The following FAM120C variants were observed in gnomAD, a reference collection of about 807,000 sequenced individuals.
FAM120C encodes constitutive coactivator of PPAR-gamma-like protein 2.
Under a neutral mutation model 71.2 loss-of-function variants are expected in FAM120C, and 14 were observed. The ratio of observed to expected loss-of-function variants is 0.20; its 90% CI spans 0.13 to 0.31. The LOEUF (loss-of-function observed/expected upper bound fraction) is 0.31, where lower values mean the gene tolerates loss of function less well. Among genes scored for constraint, FAM120C ranks in the 10% least tolerant of loss-of-function variants. FAM120C has a pLI of 1.00. For missense variants in FAM120C, 500 were observed against 879.0 expected (o/e 0.57, Z 5.45); for synonymous variants, 354 against 353.2 (o/e 1.00, Z -0.03).
At chrX:54,129,581 G>A (rs1191411497) in intron 9 of FAM120C, among the ~76,000 whole-genome samples, 4 of 110,192 alleles carry the variant, frequency 3.6e-5, no homozygotes, top group Admixed American at 9.6e-5. Flanking sequence ...GACGATGGGC[G>A]GCCAGGCAGA....
intron 15 of FAM120C, among the ~76,000 whole-genome samples, chrX:54,076,291 A>G (rs1367155950): frequency 2.8e-5 from 3 of 108,938 alleles, no homozygotes. Flanking sequence ...GTGAGCTGAC[A>G]TCGCGCCAGC....
At chrX:54,159,276 C>G in intron 2 of FAM120C, 94 bp downstream of exon 2, 2 of 1,075,512 alleles carry the variant, frequency 1.9e-6, no homozygotes, top group Non-Finnish European at 2.5e-6. Flanking sequence ...GAAGACAAAT[C>G]TAATGATGAC....
chrX:54,179,852 A>G (rs1315816544), intron 1 of FAM120C, among the ~76,000 whole-genome samples: 1 of 112,109 alleles, frequency 8.9e-6, no homozygotes, highest in East Asian at 2.8e-4. Context: ...TAAGATTTAT[A>G]CATTCCCCAA....
intron 4 of FAM120C, among the ~76,000 whole-genome samples, chrX:54,143,814 A>T (rs2067139923): frequency 8.9e-6 from 1 of 111,991 alleles, no homozygotes; most frequent in Non-Finnish European, 1.9e-5. Context: ...AACTCATTTT[A>T]TGAGGCCAGC....
intron 9 of FAM120C, among the ~76,000 whole-genome samples, chrX:54,129,977 C>CCAGCTTCGG (rs2067055933): frequency 9.4e-6 from 1 of 106,938 alleles, no homozygotes; most frequent in African/African-American, 3.4e-5. Context: ...ACAGTACAGT[C>CCAGCTTCGG]CAGCTTCGGC....
intron 8 of FAM120C, among the ~76,000 whole-genome samples, chrX:54,133,406 C>T (rs1303740467): frequency 2.7e-5 from 3 of 112,292 alleles, no homozygotes; most frequent in East Asian, 2.8e-4. Flanking sequence ...GCATTTTGCT[C>T]GAGGATGGAC....
intron 4 of FAM120C, among the ~76,000 whole-genome samples, chrX:54,146,963 A>G (rs1557132445): frequency 8.9e-6 from 1 of 112,252 alleles, no homozygotes; most frequent in African/African-American, 3.2e-5. Flanking sequence ...CTTTATACAG[A>G]AATGAACTAA....
At chrX:54,109,494 A>G (rs1230619209) in intron 10 of FAM120C, among the ~76,000 whole-genome samples, 2 of 108,789 alleles carry the variant, frequency 1.8e-5, no homozygotes, top group Non-Finnish European at 3.8e-5. Flanking sequence ...ATGCCCCTGT[A>G]GTCTCAGCTA....
intron 3 of FAM120C, among the ~76,000 whole-genome samples, chrX:54,157,130 C>A (rs145721218): frequency 0.027 from 3,051 of 111,347 alleles, 119 homozygotes; most frequent in African/African-American, 0.095. Context: ...ATTGTATTTT[C>A]TCTCTTGTGA....
intron 12 of FAM120C, 61 bp from the exon 13 acceptor site, chrX:54,085,977 G>T: frequency 9.9e-7 from 1 of 1,007,611 alleles, no homozygotes; most frequent in Non-Finnish European, 1.4e-6. Context: ...CCATGTTTTA[G>T]GCCCAGGATG....
intron 1 of FAM120C, among the ~76,000 whole-genome samples, chrX:54,164,145 TG>T (rs1200511003): frequency 5.4e-5 from 6 of 111,175 alleles, no homozygotes; most frequent in Non-Finnish European, 1.1e-4. Context: ...TTGGTCAGGC[TG>T]GTCTCGAACT....
chrX:54,140,855 C>T (rs1603360504), intron 4 of FAM120C, among the ~76,000 whole-genome samples: 2 of 105,828 alleles, frequency 1.9e-5, no homozygotes, highest in Non-Finnish European at 1.9e-5. Flanking sequence ...CAGGAGAATC[C>T]CTTGAACCCG....
At chrX:54,154,850 G>A (rs1156392973) in intron 3 of FAM120C, among the ~76,000 whole-genome samples, 5 of 110,831 alleles carry the variant, frequency 4.5e-5, no homozygotes, top group South Asian at 3.8e-4. Context: ...AGTCATCAAC[G>A]GACAGATGGT....
At chrX:54,117,962 G>A (rs947301990) in intron 9 of FAM120C, among the ~76,000 whole-genome samples, 1 of 111,413 alleles carries the variant, frequency 9.0e-6, no homozygotes, top group Non-Finnish European at 1.9e-5. Context: ...GGTGGTTCAC[G>A]CCTGTAATCC....
chrX:54,130,791 T>C (rs1557129161), intron 9 of FAM120C, among the ~76,000 whole-genome samples: 1 of 111,692 alleles, frequency 9.0e-6, no homozygotes, highest in African/African-American at 3.3e-5. Flanking sequence ...AGATTATTAT[T>C]TAAAAATCTT....
intron 3 of FAM120C, among the ~76,000 whole-genome samples, chrX:54,157,411 C>T (rs995111252): frequency 7.2e-5 from 8 of 110,481 alleles, no homozygotes; most frequent in East Asian, 5.7e-4. Flanking sequence ...CCTGCCACTA[C>T]GCTCAGCTAA....
intron 4 of FAM120C, among the ~76,000 whole-genome samples, chrX:54,137,631 T>A (rs916566411): frequency 1.1e-4 from 12 of 111,763 alleles, no homozygotes; most frequent in Non-Finnish European, 2.3e-4. Flanking sequence ...TCTATATAAA[T>A]TTTTTTCTGG....
chrX:54,182,910 C>G lies in FAM120C; in HGVS notation c.289G>C (p.Ala97Pro). The change falls in exon 1 of 16, where the codon GCG becomes CCG. Residue 97 changes from alanine to proline, a missense_variant. Physicochemically the swap from Ala to Pro is conservative, Grantham distance 27 (BLOSUM62 -1). Around this residue, in one of 11 missense-constraint regions of FAM120C, gnomAD observed 79 missense variants for 78.3 expected, o/e 1.01. Transcript: ENST00000375180. ...AGCGGAGGGTGCAGCCCGGGCTGCGCTTGGCCATGATGGTGGAAGTGGTGA... is the reference window on the plus strand; with the variant it reads ...AGCGGAGGGTGCAGCCCGGGCTGCGGTTGGCCATGATGGTGGAAGTGGTGA... ...PAHHFHHHGQAQPGLHPPLPP... is the reference protein window; with the variant it reads ...PAHHFHHHGQPQPGLHPPLPP... The G allele has an allele frequency of 8.7e-7, 1 of 1,154,718 alleles. No homozygotes were observed. The highest frequency in any genetic ancestry group is 3.4e-5 in the East Asian group (1 of 29,747).
At chrX:54,110,816 T>G (rs782019907) in intron 10 of FAM120C, among the ~76,000 whole-genome samples, 210 of 110,839 alleles carry the variant, frequency 1.9e-3, no homozygotes, top group African/African-American at 6.4e-3. Context: ...CCGCAGCACT[T>G]TGCGAGGCTG....
Sources: gnomAD v4.1 joint callset for allele counts (sites outside exome capture counted in the v4.1 genomes callset) on GRCh38, gnomAD v4.1.1 for gene constraint, gnomAD v4.1.1 regional missense constraint, MANE v1.5 for transcripts, NCBI Gene and HGNC (gene_info 2026-07-23, HGNC 2026-07-21) for gene names.